The following DIAPH2 variants were observed in gnomAD, a reference collection of about 807,000 sequenced individuals.
DIAPH2 encodes the protein diaphanous related formin 2.
Under a neutral mutation model 92.7 loss-of-function variants are expected in DIAPH2, and 35 were observed. The observed-to-expected ratio is 0.38, with a 90% CI of 0.29 to 0.50. DIAPH2 has a LOEUF of 0.50. Among genes scored for constraint, DIAPH2 ranks in the 20% least tolerant of loss-of-function variants. The probability of loss-of-function intolerance (pLI) is 0.94; values close to 1 mark genes in which losing one functional copy is unlikely to be tolerated. For missense variants in DIAPH2, 701 were observed against 819.5 expected (o/e 0.86, Z 1.77); for synonymous variants, 301 against 280.4 (o/e 1.07, Z -0.73).
intron 26 of DIAPH2, among the ~76,000 whole-genome samples, chrX:97,438,189 G>A: frequency 9.3e-6 from 1 of 107,124 alleles, no homozygotes; most frequent in African/African-American, 3.4e-5. Context: ...TTTCAGAATG[G>A]AGAATTAGTC....
chrX:96,983,494 T>A (rs954773610), intron 17 of DIAPH2, among the ~76,000 whole-genome samples: 1 of 112,386 alleles, frequency 8.9e-6, no homozygotes, highest in African/African-American at 3.2e-5. Context: ...TGAGGCAGCT[T>A]CATATTATAG....
At chrX:97,239,168 G>A (rs2068071912) in intron 22 of DIAPH2, among the ~76,000 whole-genome samples, 1 of 111,675 alleles carries the variant, frequency 9.0e-6, no homozygotes, top group South Asian at 3.7e-4. Context: ...GGAATACTGT[G>A]ATTTTTTTTC....
intron 17 of DIAPH2, among the ~76,000 whole-genome samples, chrX:96,976,735 A>G (rs999000037): frequency 9.0e-6 from 1 of 111,223 alleles, no homozygotes; most frequent in African/African-American, 3.3e-5. Flanking sequence ...CTCCGTCTTT[A>G]CATATTGACA....
intron 4 of DIAPH2, among the ~76,000 whole-genome samples, chrX:96,768,602 T>C (rs988384034): frequency 3.6e-4 from 40 of 111,830 alleles, no homozygotes; most frequent in African/African-American, 1.2e-3. Flanking sequence ...TGTGGTATTT[T>C]AGATAGGCGA....
At chrX:97,049,828 A>G (rs774336121) in intron 17 of DIAPH2, among the ~76,000 whole-genome samples, 11 of 111,434 alleles carry the variant, frequency 9.9e-5, no homozygotes, top group Non-Finnish European at 1.7e-4. Context: ...TTGCAACAGA[A>G]AAGTGCTTCA....
At chrX:97,251,435 CTTT>C (rs754141574) in intron 23 of DIAPH2, among the ~76,000 whole-genome samples, 2 of 99,007 alleles carry the variant, frequency 2.0e-5, no homozygotes, top group Non-Finnish European at 2.1e-5. Context: ...GTGAAGGTCT[CTTT>C]TTTTTTTTTT....
At chrX:97,220,723 C>T (rs1282083821) in intron 22 of DIAPH2, among the ~76,000 whole-genome samples, 1 of 112,127 alleles carries the variant, frequency 8.9e-6, no homozygotes, top group Non-Finnish European at 1.9e-5. Context: ...TACTTTGTAA[C>T]TTGTGGCCTC....
chrX:97,518,516 A>G (rs756553197), intron 26 of DIAPH2, among the ~76,000 whole-genome samples: 9 of 109,451 alleles, frequency 8.2e-5, no homozygotes, highest in Non-Finnish European at 1.5e-4. Flanking sequence ...GTATGTGTGT[A>G]TATATATATA....
At chrX:97,329,382 G>A (rs1015102108) in intron 23 of DIAPH2, among the ~76,000 whole-genome samples, 3 of 112,070 alleles carry the variant, frequency 2.7e-5, no homozygotes, top group Non-Finnish European at 5.6e-5. Context: ...ACACTGAGAG[G>A]CTAAAAGGAA....
intron 21 of DIAPH2, among the ~76,000 whole-genome samples, chrX:97,127,531 A>T (rs471777): frequency 0.14 from 15,937 of 111,937 alleles, 2,063 homozygotes; most frequent in African/African-American, 0.41. Context: ...TCAGCTTTCA[A>T]AAAGTGTACG....
intron 26 of DIAPH2, among the ~76,000 whole-genome samples, chrX:97,490,414 G>C (rs1210609049): frequency 9.4e-6 from 1 of 106,150 alleles, no homozygotes; most frequent in Non-Finnish European, 1.9e-5. Flanking sequence ...TTTGACTCTA[G>C]TCTTTGTTAT....
intron 1 of DIAPH2, among the ~76,000 whole-genome samples, chrX:96,712,256 T>C (rs1242841338): frequency 2.7e-5 from 3 of 111,783 alleles, no homozygotes; most frequent in African/African-American, 9.7e-5. Context: ...TGAAAAACGT[T>C]GTTGCTCCTT....
At chrX:97,563,688 G>C (rs769885629) in intron 26 of DIAPH2, among the ~76,000 whole-genome samples, 7 of 111,771 alleles carry the variant, frequency 6.3e-5, no homozygotes, top group Non-Finnish European at 1.3e-4. Flanking sequence ...AGAAGTGGCA[G>C]ATGAGCTTCG....
At chrX:96,847,756 G>A (rs777520275) in intron 4 of DIAPH2, among the ~76,000 whole-genome samples, 8 of 111,026 alleles carry the variant, frequency 7.2e-5, no homozygotes, top group South Asian at 7.7e-4. Context: ...GACCTGATAG[G>A]TAGTTTTTGA....
intron 26 of DIAPH2, among the ~76,000 whole-genome samples, chrX:97,563,800 G>A (rs893181087): frequency 9.1e-5 from 10 of 110,439 alleles, no homozygotes; most frequent in African/African-American, 3.3e-4. Flanking sequence ...ACTTGAAAAA[G>A]GGATCTAGGA....
intron 17 of DIAPH2, among the ~76,000 whole-genome samples, chrX:97,041,355 TAGG>T (rs1229275838): frequency 9.0e-6 from 1 of 111,723 alleles, no homozygotes; most frequent in African/African-American, 3.2e-5. Flanking sequence ...TCAATTAAAA[TAGG>T]AGTAGCATGT....
chrX:97,015,788 A>C (rs1247960147), intron 17 of DIAPH2, among the ~76,000 whole-genome samples: 1 of 83,851 alleles, frequency 1.2e-5, no homozygotes, highest in African/African-American at 5.1e-5. Flanking sequence ...ACGCCATCTG[A>C]AAAAAAAAAA....
chrX:96,804,806 G>T (rs2064611264), intron 4 of DIAPH2, among the ~76,000 whole-genome samples: 1 of 111,420 alleles, frequency 9.0e-6, no homozygotes, highest in Admixed American at 9.5e-5. Context: ...CTATCATCTT[G>T]AAAAAGTAAT....
At chrX:97,013,357 G>A (rs2066239990) in intron 17 of DIAPH2, among the ~76,000 whole-genome samples, 1 of 112,038 alleles carries the variant, frequency 8.9e-6, no homozygotes, top group Non-Finnish European at 1.9e-5. Context: ...GAGCAGAGCA[G>A]CTGTCCACCC....
Sources: allele counts gnomAD v4.1 joint callset (sites outside exome capture counted in the v4.1 genomes callset), GRCh38; gene constraint gnomAD v4.1.1; transcripts MANE v1.5; gene names NCBI Gene and HGNC (gene_info 2026-07-23, HGNC 2026-07-21).